Variants in PLAAT1 observed in about 807,000 individuals in gnomAD.
The protein encoded by PLAAT1 is H-REV107 protein-related protein.
Under a neutral mutation model 16.4 loss-of-function variants are expected in PLAAT1, and 13 were observed. The ratio of observed to expected loss-of-function variants is 0.79; its 90% CI spans 0.52 to 1.26. The LOEUF is 1.26. Ranked by LOEUF, PLAAT1 falls within the 50% of genes most tolerant of loss-of-function variation. The pLI is 0.00. For missense variants in PLAAT1, 218 were observed against 207.8 expected (o/e 1.05, Z -0.30); for synonymous variants, 73 against 78.4 (o/e 0.93, Z 0.36).
At chr3:193,278,440 T>C (rs537762009), downstream of PLAAT1, among the ~76,000 whole-genome samples, 6 of 152,350 alleles carry the variant, frequency 3.9e-5, no homozygotes, top group Admixed American at 1.3e-4. Flanking sequence ...TTCTTGTTCA[T>C]ACTCCACAGC....
intron 3 of PLAAT1, among the ~76,000 whole-genome samples, chr3:193,263,913 C>T (rs895348472): frequency 1.3e-5 from 2 of 152,004 alleles, no homozygotes; most frequent in South Asian, 4.1e-4. Context: ...GTTGTCCCAC[C>T]AGTCCAGTAA....
chr3:193,246,101 G>A (rs112730136), intron 1 of PLAAT1, among the ~76,000 whole-genome samples: 10 of 152,138 alleles, frequency 6.6e-5, no homozygotes, highest in African/African-American at 2.4e-4. Context: ...ATGTTGAATA[G>A]CTGTGAGAGT....
At chr3:193,240,830 A>C (rs1002869233), upstream of PLAAT1, among the ~76,000 whole-genome samples, 1 of 152,078 alleles carries the variant, frequency 6.6e-6, no homozygotes, top group African/African-American at 2.4e-5. Context: ...AGGTACCATG[A>C]TTCCTTGGGC....
intron 2 of PLAAT1, among the ~76,000 whole-genome samples, chr3:193,257,150 T>A (rs1345534144): frequency 6.6e-6 from 1 of 152,126 alleles, no homozygotes; most frequent in Non-Finnish European, 1.5e-5. Flanking sequence ...GTTCTTTTGA[T>A]CCAACACGAA....
intron 2 of PLAAT1, among the ~76,000 whole-genome samples, chr3:193,260,795 T>G (rs1716556313): frequency 6.6e-6 from 1 of 152,188 alleles, no homozygotes; most frequent in South Asian, 2.1e-4. Context: ...TGGAGATTTA[T>G]CAAAGAGCTT....
chr3:193,246,893 G>T (rs1716002176), intron 1 of PLAAT1, among the ~76,000 whole-genome samples: 2 of 152,178 alleles, frequency 1.3e-5, no homozygotes, highest in South Asian at 4.1e-4. Context: ...CTCTGAGGTA[G>T]TCCCTGTTTT....
At chr3:193,264,257 A>G (rs1427166589) in intron 3 of PLAAT1, among the ~76,000 whole-genome samples, 1 of 152,192 alleles carries the variant, frequency 6.6e-6, no homozygotes, top group African/African-American at 2.4e-5. Context: ...AATGTCATCT[A>G]TAAGAAGGCT....
intron 2 of PLAAT1, among the ~76,000 whole-genome samples, chr3:193,260,364 G>T (rs917462220): frequency 1.3e-5 from 2 of 152,088 alleles, no homozygotes; most frequent in African/African-American, 4.8e-5. Context: ...TGAGACCTAA[G>T]TAAACAAAAG....
chr3:193,261,326 C>T (rs1008663272), intron 2 of PLAAT1, among the ~76,000 whole-genome samples: 6 of 151,574 alleles, frequency 4.0e-5, no homozygotes, highest in Non-Finnish European at 8.8e-5. Context: ...TGAGATTGGG[C>T]CACTACACTC....
chr3:193,280,065 T>C (rs1237728989), downstream of PLAAT1, among the ~76,000 whole-genome samples: 3 of 150,994 alleles, frequency 2.0e-5, no homozygotes, highest in Non-Finnish European at 4.4e-5. Context: ...TTTTCTTTCC[T>C]TTTTTTTGAG....
downstream of PLAAT1, among the ~76,000 whole-genome samples, chr3:193,275,704 T>C (rs1455569847): frequency 6.6e-6 from 1 of 152,216 alleles, no homozygotes; most frequent in Admixed American, 6.5e-5. Context: ...AGTGTTGAGC[T>C]CTAGAAATCA....
intron 3 of PLAAT1, among the ~76,000 whole-genome samples, chr3:193,269,925 T>A (rs1230191610): frequency 6.6e-6 from 1 of 152,222 alleles, no homozygotes; most frequent in Non-Finnish European, 1.5e-5. Flanking sequence ...CATGAGAAAT[T>A]AATTTTTGAC....
At chr3:193,264,325 T>C (rs1341139043) in intron 3 of PLAAT1, among the ~76,000 whole-genome samples, 1 of 152,208 alleles carries the variant, frequency 6.6e-6, no homozygotes, top group Non-Finnish European at 1.5e-5. Context: ...TTCAAAATCC[T>C]ACTTATCCTG....
At chr3:193,264,327 C>T (rs868676247) in intron 3 of PLAAT1, among the ~76,000 whole-genome samples, 9 of 152,164 alleles carry the variant, frequency 5.9e-5, no homozygotes, top group Non-Finnish European at 1.2e-4. Context: ...CAAAATCCTA[C>T]TTATCCTGCC....
chr3:193,270,745 A>T lies in PLAAT1; in HGVS notation c.*40A>T. 6.3e-7 allele frequency: 1 copy of T among 1,599,574 alleles called. No individual in the cohort carries two copies. The highest frequency in any genetic ancestry group is 8.5e-7 in the Non-Finnish European group (1 of 1,172,088). Reference sequence around the variant, plus strand: ...GATATTGATATTGAAGGAATTTGGGAGGAGGAAAAGAAACCTGGGGTGAAT... The same window carrying T: ...GATATTGATATTGAAGGAATTTGGGTGGAGGAAAAGAAACCTGGGGTGAAT... On this transcript the variant is annotated 3_prime_UTR_variant, in exon 4 of 4. Coordinates refer to ENST00000264735, the MANE Select transcript of PLAAT1 (RefSeq NM_020386.5).
At chr3:193,280,938 C>G (rs184359295), downstream of PLAAT1, among the ~76,000 whole-genome samples, 1 of 152,248 alleles carries the variant, frequency 6.6e-6, no homozygotes, top group East Asian at 1.9e-4. Context: ...GGCAACTGCC[C>G]CTTGATAGCA....
chr3:193,241,825 A>G (rs997470159), intron 1 of PLAAT1, among the ~76,000 whole-genome samples: 15 of 152,284 alleles, frequency 9.9e-5, no homozygotes, highest in East Asian at 1.9e-4. Context: ...TTATTATCGT[A>G]TTGGATTTTG....
At chr3:193,261,482 C>A (rs1468821720) in intron 2 of PLAAT1, among the ~76,000 whole-genome samples, 2 of 152,082 alleles carry the variant, frequency 1.3e-5, no homozygotes, top group Non-Finnish European at 2.9e-5. Flanking sequence ...ACTTCTGAGA[C>A]TTTTTAATGA....
At chr3:193,274,175 G>T (rs112308249), downstream of PLAAT1, among the ~76,000 whole-genome samples, 2 of 152,078 alleles carry the variant, frequency 1.3e-5, no homozygotes, top group Admixed American at 1.3e-4. Flanking sequence ...TCTGGGAGGC[G>T]GAGGTTGCAG....
Sources: gnomAD v4.1 joint callset for allele counts (sites outside exome capture counted in the v4.1 genomes callset) on GRCh38, gnomAD v4.1.1 for gene constraint, MANE v1.5 for transcripts, NCBI Gene and HGNC (gene_info 2026-07-23, HGNC 2026-07-21) for gene names.